Variants in PALD1 observed in about 807,000 individuals in gnomAD.
PALD1 encodes paladin.
A neutral mutation model predicts 96.0 loss-of-function variants in PALD1; 57 were observed. The observed-to-expected ratio is 0.59, with a 90% CI of 0.48 to 0.74. The LOEUF (loss-of-function observed/expected upper bound fraction) is 0.74, where lower values mean the gene tolerates loss of function less well. Ranked by LOEUF, PALD1 falls within the 30% of genes least tolerant of loss-of-function variation. PALD1 has a pLI of 0.00. For missense variants in PALD1, 1,063 were observed against 1,143.7 expected, an observed-to-expected ratio of 0.93 and a Z score of 1.02; for synonymous variants, 464 against 473.6, an observed-to-expected ratio of 0.98 and a Z score of 0.26.
chr10:70,477,275 T>C (rs980101451), upstream of PALD1, among the ~76,000 whole-genome samples: 6 of 152,190 alleles, frequency 3.9e-5, no homozygotes, highest in Admixed American at 3.9e-4. Context: ...TGGACATTAC[T>C]TGCCCAGCTC....
chr10:70,469,735 T>C, the PALD1 span, among the ~76,000 whole-genome samples: 1 of 151,618 alleles, frequency 6.6e-6, no homozygotes, highest in African/African-American at 2.4e-5. Flanking sequence ...GGCAAGGGGG[T>C]TTAGTACAGG....
intron 1 of PALD1, among the ~76,000 whole-genome samples, chr10:70,525,414 T>C (rs1380813202): frequency 1.3e-5 from 2 of 152,138 alleles, no homozygotes; most frequent in African/African-American, 4.8e-5. Context: ...CCTGGCCTTA[T>C]TTTATGACAT....
intron 1 of PALD1, among the ~76,000 whole-genome samples, chr10:70,523,002 G>T (rs1030763635): frequency 6.6e-6 from 1 of 152,214 alleles, no homozygotes; most frequent in African/African-American, 2.4e-5. Flanking sequence ...AGAGATTTCA[G>T]GGTGAGAGCT....
intron 17 of PALD1, among the ~76,000 whole-genome samples, chr10:70,543,782 C>T (rs1279943101): frequency 6.6e-6 from 1 of 152,110 alleles, no homozygotes; most frequent in African/African-American, 2.4e-5. Flanking sequence ...CACACCAGGC[C>T]CCGTGCTGGG....
chr10:70,550,825 T>C (rs1381107053), intron 18 of PALD1, among the ~76,000 whole-genome samples: 1 of 152,264 alleles, frequency 6.6e-6, no homozygotes, highest in East Asian at 1.9e-4. Flanking sequence ...CTGAATAATA[T>C]TCCATTGTAT....
chr10:70,559,590 G>A (rs528833745), intron 18 of PALD1, among the ~76,000 whole-genome samples: 27 of 152,242 alleles, frequency 1.8e-4, no homozygotes, highest in South Asian at 8.3e-4. Context: ...GGTGAGAGGC[G>A]GTCAGCCTCT....
chr10:70,562,385 G>C (rs1847758905), intron 18 of PALD1, among the ~76,000 whole-genome samples: 1 of 152,234 alleles, frequency 6.6e-6, no homozygotes, highest in South Asian at 2.1e-4. Flanking sequence ...AGAAGTGGGA[G>C]GTTGGGGACC....
intron 17 of PALD1, among the ~76,000 whole-genome samples, chr10:70,542,226 C>T (rs1055374301): frequency 8.5e-5 from 13 of 152,316 alleles, no homozygotes; most frequent in African/African-American, 3.1e-4. Context: ...TGCCTTCTCC[C>T]TTCCTTCTTC....
intron 1 of PALD1, chr10:70,485,729 A>G (rs982198534): frequency 2.6e-5 from 4 of 153,310 alleles, no homozygotes; most frequent in African/African-American, 7.2e-5. Flanking sequence ...TTTTATTACA[A>G]CCACGGAAGG....
chr10:70,494,068 C>T (rs1337893781), intron 1 of PALD1, among the ~76,000 whole-genome samples: 4 of 152,216 alleles, frequency 2.6e-5, no homozygotes, highest in Non-Finnish European at 5.9e-5. Flanking sequence ...CCGGCTAGCT[C>T]ATGGCTCTTT....
chr10:70,567,997 GA>G lies in PALD1; in HGVS notation c.*1276del, dbSNP rs148438661. On this transcript the variant is annotated 3_prime_UTR_variant, in exon 20 of 20. Transcript: ENST00000263563. ...TGGTTAGGCTCGTGTACTTCTGCAG[GA>G]AAAAAAAAAAAGGATGTGTCATTGG... 22,840 of 144,164 alleles carry G rather than the reference GA, an allele frequency of 0.16. 1,730 individuals carry two copies. Among genetic ancestry groups the G allele is most frequent in the Middle Eastern group, 0.27 (76 of 278 alleles). The allele number at this position is 144,164 out of a possible 1,614,324, so 8.9% of individuals were successfully genotyped here.
At chr10:70,463,584 G>C in the PALD1 span, among the ~76,000 whole-genome samples, 1 of 152,088 alleles carries the variant, frequency 6.6e-6, no homozygotes, top group Non-Finnish European at 1.5e-5. Flanking sequence ...TCTAGGTGGA[G>C]CCAAGATTTG....
intron 1 of PALD1, among the ~76,000 whole-genome samples, chr10:70,517,440 C>T (rs1846643117): frequency 6.6e-6 from 1 of 150,704 alleles, no homozygotes; most frequent in Non-Finnish European, 1.5e-5. Flanking sequence ...CTCCTGGGTT[C>T]AAGCGATCCT....
At chr10:70,530,167 A>G in intron 4 of PALD1, 99 bp downstream of exon 4, 1 of 1,001,874 alleles carries the variant, frequency 1.0e-6, no homozygotes, top group South Asian at 1.7e-5. Flanking sequence ...GGCCTGCTGC[A>G]TGCTGGAGAG....
chr10:70,534,289 C>T (rs1031797884), intron 8 of PALD1, 136 bp from the exon 9 acceptor site: 7 of 757,406 alleles, frequency 9.2e-6, no homozygotes, highest in Middle Eastern at 7.6e-4. Flanking sequence ...GGAAATGTCC[C>T]CTGCTTCCCA....
chr10:70,508,856 T>G (rs1029214848), intron 1 of PALD1, among the ~76,000 whole-genome samples: 2 of 140,066 alleles, frequency 1.4e-5, no homozygotes, highest in Non-Finnish European at 1.6e-5. Flanking sequence ...TGTGTGTGTG[T>G]GCAGGCCTGT....
intron 1 of PALD1, among the ~76,000 whole-genome samples, chr10:70,501,306 C>G (rs958932576): frequency 2.6e-5 from 4 of 152,144 alleles, no homozygotes; most frequent in Non-Finnish European, 5.9e-5. Flanking sequence ...GGAAGTTTCT[C>G]GGCCTCCCTG....
chr10:70,465,988 C>A, the PALD1 span, among the ~76,000 whole-genome samples: 3 of 152,138 alleles, frequency 2.0e-5, no homozygotes, highest in Admixed American at 6.5e-5. Context: ...AGTCTCTTGG[C>A]CTTCACTGTT....
At chr10:70,559,599 C>T (rs958186926) in intron 18 of PALD1, among the ~76,000 whole-genome samples, 2 of 152,056 alleles carry the variant, frequency 1.3e-5, no homozygotes, top group Non-Finnish European at 2.9e-5. Flanking sequence ...CGGTCAGCCT[C>T]TGGAGGTGTT....
Sources: gnomAD v4.1 joint callset for allele counts (sites outside exome capture counted in the v4.1 genomes callset) on GRCh38, gnomAD v4.1.1 for gene constraint, MANE v1.5 for transcripts, NCBI Gene and HGNC (gene_info 2026-07-23, HGNC 2026-07-21) for gene names.